The following GPC6 variants were observed in gnomAD, a reference collection of about 807,000 sequenced individuals.
GPC6 encodes the protein glypican-6.
A neutral mutation model predicts 55.2 loss-of-function variants in GPC6; 14 were observed. The ratio of observed to expected loss-of-function variants is 0.25; its 90% CI spans 0.17 to 0.40. The LOEUF (loss-of-function observed/expected upper bound fraction) is 0.40. GPC6 is among the 10% of genes least tolerant of loss of function. The probability of loss-of-function intolerance (pLI) is 1.00; values close to 1 mark genes in which losing one functional copy is unlikely to be tolerated. For missense variants in GPC6, 641 were observed against 708.5 expected (o/e 0.90, Z 1.08); for synonymous variants, 278 against 259.6 (o/e 1.07, Z -0.68).
Position 93,227,335 on chromosome 13 carries a change from G to A in GPC6, c.-122G>A, listed in dbSNP as rs1185334380. The stretch of plus-strand genomic sequence containing the variant: ...CTGCTCGTCCCCTCGGCTGGCAGAA[G>A]GGGGTGACGCTGGGCAGCGGCGAGG... On this transcript the variant is annotated 5_prime_UTR_variant, in exon 1 of 9. Coordinates refer to ENST00000377047, the MANE Select transcript of GPC6 (RefSeq NM_005708.5). This position sits in a 1 kb window ranked among gnomAD's most constrained non-coding sequence, Gnocchi z 4.3. 2 of 933,736 alleles carry A rather than the reference G, an allele frequency of 2.1e-6. No homozygotes were observed. The highest frequency in any genetic ancestry group is 3.3e-5 in the African/African-American group (2 of 60,444). 57.8% of individuals were successfully genotyped at this position (933,736 alleles called of 1,614,324 possible). A position where few individuals can be genotyped will look rare whatever the true frequency, so the allele number is the denominator to read the frequency against.
At chr13:93,376,329 G>A (rs1358977018) in intron 1 of GPC6, among the ~76,000 whole-genome samples, 1 of 152,042 alleles carries the variant, frequency 6.6e-6, no homozygotes, top group Non-Finnish European at 1.5e-5. Context: ...AAAGCATATA[G>A]TCATATAAAA....
chr13:93,216,680 T>C, the GPC6 span, among the ~76,000 whole-genome samples: 2 of 152,072 alleles, frequency 1.3e-5, no homozygotes, highest in African/African-American at 4.8e-5. Flanking sequence ...AATTAGATGA[T>C]TGATGTGTTT....
chr13:93,380,608 T>C (rs1446437906), intron 1 of GPC6, among the ~76,000 whole-genome samples: 1 of 152,106 alleles, frequency 6.6e-6, no homozygotes, highest in Non-Finnish European at 1.5e-5. Flanking sequence ...CCTTATGGGG[T>C]TGAGTATCTA....
At chr13:94,317,706 G>C (rs1157976325) in intron 6 of GPC6, among the ~76,000 whole-genome samples, 1 of 152,144 alleles carries the variant, frequency 6.6e-6, no homozygotes, top group Non-Finnish European at 1.5e-5. Flanking sequence ...GCTTTTTACA[G>C]TATAATCATT....
At chr13:94,399,577 ATGCTTGTG>A (rs1281811783) in intron 8 of GPC6, among the ~76,000 whole-genome samples, 1 of 152,202 alleles carries the variant, frequency 6.6e-6, no homozygotes, top group Non-Finnish European at 1.5e-5. Flanking sequence ...TCATAAGATG[ATGCTTGTG>A]TGCTTGGATT....
chr13:93,632,745 C>A (rs1000332465), intron 2 of GPC6, among the ~76,000 whole-genome samples: 1 of 151,712 alleles, frequency 6.6e-6, no homozygotes, highest in Non-Finnish European at 1.5e-5. Flanking sequence ...CACCCTTCCA[C>A]TGCCACCAAT....
chr13:94,359,095 A>G (rs1489401375), intron 6 of GPC6, among the ~76,000 whole-genome samples: 2 of 152,172 alleles, frequency 1.3e-5, no homozygotes, highest in Non-Finnish European at 2.9e-5. Flanking sequence ...TGGATAAATA[A>G]CACCCCACTT....
chr13:93,974,232 G>T (rs1880418838), intron 3 of GPC6, among the ~76,000 whole-genome samples: 1 of 152,086 alleles, frequency 6.6e-6, no homozygotes, highest in Admixed American at 6.6e-5. Context: ...AGAATTTTTG[G>T]TCCGTAGGCA....
intron 3 of GPC6, among the ~76,000 whole-genome samples, chr13:93,984,741 A>T (rs1056723570): frequency 3.5e-4 from 53 of 152,204 alleles, no homozygotes; most frequent in African/African-American, 1.3e-3. Flanking sequence ...TTGCATCTAC[A>T]TGTGCAAACT....
intron 2 of GPC6, among the ~76,000 whole-genome samples, chr13:93,558,960 G>A (rs1483608039): frequency 6.6e-6 from 1 of 152,180 alleles, no homozygotes; most frequent in Non-Finnish European, 1.5e-5. Flanking sequence ...GTCTATGTAT[G>A]AGAATTTTTA....
intron 3 of GPC6, among the ~76,000 whole-genome samples, chr13:93,900,179 C>A (rs1378069346): frequency 6.6e-6 from 1 of 151,884 alleles, no homozygotes; most frequent in Non-Finnish European, 1.5e-5. Flanking sequence ...ACTTAAGAAT[C>A]TTCAGCATTC....
intron 4 of GPC6, among the ~76,000 whole-genome samples, chr13:94,051,683 A>T (rs1883953633): frequency 6.6e-6 from 1 of 152,146 alleles, no homozygotes. Context: ...TTCTTAAAGG[A>T]TATAATTGTT....
At chr13:93,997,382 AC>A (rs1470474015) in intron 3 of GPC6, among the ~76,000 whole-genome samples, 2 of 152,078 alleles carry the variant, frequency 1.3e-5, no homozygotes, top group Non-Finnish European at 2.9e-5. Context: ...TAAGCATCTT[AC>A]CCCATTGGCT....
chr13:93,547,066 C>T (rs971437639), intron 2 of GPC6, among the ~76,000 whole-genome samples: 2 of 151,738 alleles, frequency 1.3e-5, no homozygotes, highest in Non-Finnish European at 2.9e-5. Context: ...CATGGTGGCT[C>T]ATGCCTGTAA....
At chr13:93,638,050 A>C (rs1023809170) in intron 2 of GPC6, among the ~76,000 whole-genome samples, 4 of 152,140 alleles carry the variant, frequency 2.6e-5, no homozygotes, top group African/African-American at 9.6e-5. Context: ...GCTTTCAAAA[A>C]AAAATCAATA....
At chr13:94,399,043 T>A (rs1336314864) in intron 8 of GPC6, among the ~76,000 whole-genome samples, 1 of 152,184 alleles carries the variant, frequency 6.6e-6, no homozygotes, top group Non-Finnish European at 1.5e-5. Flanking sequence ...TAGACAAGCC[T>A]AAGCTAGAAT....
At chr13:93,939,368 G>T (rs539119037) in intron 3 of GPC6, among the ~76,000 whole-genome samples, 1 of 150,774 alleles carries the variant, frequency 6.6e-6, no homozygotes, top group Admixed American at 6.6e-5. Flanking sequence ...GCAGTGAGCC[G>T]AGATGCGCCA....
intron 7 of GPC6, among the ~76,000 whole-genome samples, chr13:94,397,830 C>T (rs1032872517): frequency 6.6e-6 from 1 of 152,060 alleles, no homozygotes; most frequent in Non-Finnish European, 1.5e-5. Flanking sequence ...GGCTGTGTCC[C>T]CTCCCAAATC....
intron 2 of GPC6, among the ~76,000 whole-genome samples, chr13:93,612,376 G>C (rs942814535): frequency 1.3e-5 from 2 of 152,038 alleles, no homozygotes; most frequent in Non-Finnish European, 2.9e-5. Context: ...GCACGTACCT[G>C]TTGTCCCAGC....
Sources: gnomAD v4.1 joint callset for allele counts (sites outside exome capture counted in the v4.1 genomes callset) on GRCh38, gnomAD v4.1.1 for gene constraint, Gnocchi (gnomAD v3.1) non-coding constraint, MANE v1.5 for transcripts, NCBI Gene and HGNC (gene_info 2026-07-23, HGNC 2026-07-21) for gene names.